The following ANKRD12 variants were observed in gnomAD, a reference collection of about 807,000 sequenced individuals.
The protein encoded by ANKRD12 is ankyrin repeat domain-containing protein 12.
ANKRD12 carries 85 observed loss-of-function variants against 183.4 expected under a neutral mutation model. The observed-to-expected ratio is 0.46, with a 90% CI of 0.39 to 0.56. The LOEUF is 0.56. ANKRD12 is among the 20% of genes least tolerant of loss of function. The probability of loss-of-function intolerance (pLI) is 0.00; values close to 1 mark genes in which losing one functional copy is unlikely to be tolerated. For missense variants in ANKRD12, 2,405 were observed against 2,357.1 expected (o/e 1.02, Z -0.42); for synonymous variants, 914 against 800.2 (o/e 1.14, Z -2.40).
Position 9,208,765 on chromosome 18 carries a change from C to T in ANKRD12, c.413C>T (p.Ala138Val). 6.2e-7 allele frequency: 1 copy of T among 1,608,692 alleles called. No homozygotes were observed. The highest frequency in any genetic ancestry group is 8.5e-7 in the Non-Finnish European group (1 of 1,177,234). ...GYPLSERKQM[A>V]LLMQMTARDN... The stretch of plus-strand genomic sequence containing the variant: ...CCACTCTCTGAGCGAAAACAGATGG[C>T]ACTTCTTATGCAGATGACAGCAAGA... Residue 138 changes from alanine to valine, a missense_variant, in exon 5 of 13, where the codon GCA becomes GTA. Ala to Val is a moderately conservative substitution (Grantham distance 64). Transcript: ENST00000262126.
chr18:9,168,543 T>C (rs1406609222), intron 1 of ANKRD12, among the ~76,000 whole-genome samples: 1 of 152,238 alleles, frequency 6.6e-6, no homozygotes, highest in African/African-American at 2.4e-5. Flanking sequence ...GTAGTTTGTA[T>C]TTCTGTGGGA....
chr18:9,142,753 G>A (rs7504137), intron 1 of ANKRD12, among the ~76,000 whole-genome samples: 78,339 of 151,672 alleles, frequency 0.52, 22,692 homozygotes, highest in South Asian at 0.75. Flanking sequence ...GCGTGGTGGC[G>A]CACCCCTGTA....
At chr18:9,196,351 C>G (rs2034822512) in intron 3 of ANKRD12, among the ~76,000 whole-genome samples, 1 of 152,110 alleles carries the variant, frequency 6.6e-6, no homozygotes, top group Admixed American at 6.5e-5. Flanking sequence ...TTATTGCTAT[C>G]TAATAAATTA....
chr18:9,201,597 A>G (rs1329364834), intron 3 of ANKRD12, among the ~76,000 whole-genome samples: 1 of 152,206 alleles, frequency 6.6e-6, no homozygotes, highest in African/African-American at 2.4e-5. Context: ...ACCTAGTTAG[A>G]AAGCCTCCAG....
At chr18:9,265,432 C>G (rs553850065) in intron 10 of ANKRD12, among the ~76,000 whole-genome samples, 1 of 148,444 alleles carries the variant, frequency 6.7e-6, no homozygotes, top group African/African-American at 2.6e-5. Context: ...ACAAAACTTC[C>G]AGAGGAATGA....
chr18:9,150,329 G>A (rs1016532421), intron 1 of ANKRD12, among the ~76,000 whole-genome samples: 1 of 152,096 alleles, frequency 6.6e-6, no homozygotes, highest in Non-Finnish European at 1.5e-5. Flanking sequence ...GCCATCTCAT[G>A]TATTACTTCC....
At chr18:9,214,273 C>T (rs779745218) in intron 6 of ANKRD12, among the ~76,000 whole-genome samples, 1 of 152,032 alleles carries the variant, frequency 6.6e-6, no homozygotes, top group Non-Finnish European at 1.5e-5. Context: ...AAAACATATG[C>T]ATACAGACAT....
At chr18:9,224,474 G>T (rs1382636521) in intron 8 of ANKRD12, among the ~76,000 whole-genome samples, 2 of 151,986 alleles carry the variant, frequency 1.3e-5, no homozygotes, top group Non-Finnish European at 2.9e-5. Flanking sequence ...GAAAACTGCA[G>T]AACAGTCTTC....
At chr18:9,250,629 A>G (rs1372024714) in intron 8 of ANKRD12, among the ~76,000 whole-genome samples, 1 of 152,130 alleles carries the variant, frequency 6.6e-6, no homozygotes, top group Admixed American at 6.5e-5. Context: ...TGAGGCAGAA[A>G]GATCGTTTGA....
chr18:9,206,512 C>T (rs1327711460), intron 4 of ANKRD12, among the ~76,000 whole-genome samples: 1 of 152,016 alleles, frequency 6.6e-6, no homozygotes, highest in East Asian at 1.9e-4. Flanking sequence ...TAGTCTAACA[C>T]AGTTTTAACA....
intron 10 of ANKRD12, among the ~76,000 whole-genome samples, chr18:9,267,556 A>G (rs935139018): frequency 2.0e-5 from 3 of 152,174 alleles, no homozygotes; most frequent in Admixed American, 6.5e-5. Context: ...AGAAATAACG[A>G]TGTTCTTTGA....
At chr18:9,236,753 C>T (rs1047630427) in intron 8 of ANKRD12, among the ~76,000 whole-genome samples, 14 of 151,962 alleles carry the variant, frequency 9.2e-5, no homozygotes, top group Admixed American at 2.6e-4. Flanking sequence ...TTTTCTGAGC[C>T]GAAAAAGCCT....
intron 2 of ANKRD12, among the ~76,000 whole-genome samples, chr18:9,185,802 A>G (rs761948814): frequency 1.1e-4 from 16 of 152,130 alleles, no homozygotes; most frequent in Non-Finnish European, 7.3e-5. Flanking sequence ...GGGAAGAGAG[A>G]GTCTGCACTG....
In ANKRD12 at chr18:9,255,667, T is replaced by G; in HGVS notation, c.2400T>G (p.His800Gln). 6.3e-7 allele frequency: 1 copy of G among 1,589,450 alleles called. No individual in the cohort carries two copies. The highest frequency in any genetic ancestry group is 8.5e-7 in the Non-Finnish European group (1 of 1,173,624). ...MSAIEESIGL[H>Q]LVEKEIDIEK... ...CCATTGAGGAATCTATAGGGCTTCA[T>G]TTAGTGGAAAAGGAAATAGACATTG... Residue 800 changes from histidine to glutamine, a missense_variant, in exon 9 of 13, where the codon CAT (histidine) becomes CAG (glutamine). Physicochemically the swap from His to Gln is conservative, Grantham distance 24. Around this residue, in one of 7 missense-constraint regions of ANKRD12, gnomAD observed 1,983 missense variants for 1,725.9 expected, o/e 1.15. Transcript: ENST00000262126.
intron 1 of ANKRD12, among the ~76,000 whole-genome samples, chr18:9,138,499 G>A (rs369254283): frequency 3.3e-5 from 5 of 152,296 alleles, no homozygotes; most frequent in African/African-American, 1.2e-4. Flanking sequence ...GGCCACAAGA[G>A]CGAAACTCCG....
chr18:9,151,989 G>A (rs936402686), intron 1 of ANKRD12, among the ~76,000 whole-genome samples: 12 of 152,166 alleles, frequency 7.9e-5, no homozygotes, highest in African/African-American at 2.9e-4. Context: ...GGCCGAAGCA[G>A]GAGGATTACT....
chr18:9,272,405 A>C (rs909485606), intron 10 of ANKRD12, among the ~76,000 whole-genome samples: 6 of 152,024 alleles, frequency 3.9e-5, no homozygotes, highest in Non-Finnish European at 8.8e-5. Context: ...TCTACTAAAA[A>C]TACAAAATTA....
intron 1 of ANKRD12, among the ~76,000 whole-genome samples, chr18:9,174,274 G>A (rs1458072965): frequency 2.6e-5 from 4 of 152,224 alleles, no homozygotes; most frequent in African/African-American, 9.7e-5. Flanking sequence ...CAAAGCCAGT[G>A]GGTTGAGGTG....
At chr18:9,160,838 A>AT (rs1295147392) in intron 1 of ANKRD12, among the ~76,000 whole-genome samples, 2 of 152,246 alleles carry the variant, frequency 1.3e-5, no homozygotes, top group African/African-American at 4.8e-5. Flanking sequence ...ACACAATTTG[A>AT]TCGTCTTTAA....
Sources: allele counts gnomAD v4.1 joint callset (sites outside exome capture counted in the v4.1 genomes callset), GRCh38; gene constraint gnomAD v4.1.1; regional missense constraint gnomAD v4.1.1; transcripts MANE v1.5; gene names NCBI Gene and HGNC (gene_info 2026-07-23, HGNC 2026-07-21).